PUS7L: variants seen among roughly 807,000 people sequenced by gnomAD.
PUS7L encodes the protein pseudouridine synthase 7 like.
A neutral mutation model predicts 51.1 loss-of-function variants in PUS7L; 49 were observed. That is an observed-to-expected ratio of 0.96 (90% CI 0.76 to 1.22). The LOEUF is 1.22. Ranked by LOEUF, PUS7L falls within the 50% of genes most tolerant of loss-of-function variation. The pLI, the probability that PUS7L is intolerant of heterozygous loss-of-function variation, is 0.00. For synonymous variants in PUS7L, 277 were observed against 276.2 expected (o/e 1.00, Z -0.03); for missense variants, 828 against 820.6 (o/e 1.01, Z -0.11).
chr12:43,755,701 T>C (rs779202511), intron 1 of PUS7L, among the ~76,000 whole-genome samples: 1 of 152,176 alleles, frequency 6.6e-6, no homozygotes, highest in Non-Finnish European at 1.5e-5. Flanking sequence ...ATATTATTAG[T>C]GGTTAGTGAC....
At chr12:43,737,127 C>T (rs975096480) in intron 6 of PUS7L, among the ~76,000 whole-genome samples, 2 of 152,190 alleles carry the variant, frequency 1.3e-5, no homozygotes, top group East Asian at 1.9e-4. Flanking sequence ...CACTATTATG[C>T]CTCACAAATG....
chr12:43,758,655 C>G, intron 1 of PUS7L, 75 bp downstream of exon 1: 2 of 260,480 alleles, frequency 7.7e-6, no homozygotes, highest in Non-Finnish European at 9.0e-6. Context: ...AACCTCGTCA[C>G]CCCCCCCCCC....
intron 2 of PUS7L, among the ~76,000 whole-genome samples, chr12:43,749,914 A>G (rs1170287911): frequency 6.6e-6 from 1 of 152,204 alleles, no homozygotes; most frequent in Non-Finnish European, 1.5e-5. Flanking sequence ...GAGGAAGGGC[A>G]TAAGGCTGAA....
At chr12:43,732,133 C>T (rs1443390708) in intron 7 of PUS7L, among the ~76,000 whole-genome samples, 2 of 151,626 alleles carry the variant, frequency 1.3e-5, no homozygotes, top group Admixed American at 6.6e-5. Context: ...AATCTCTGTC[C>T]CCCGAAAATA....
chr12:43,726,836 A>C lies in PUS7L; in HGVS notation c.*3540T>G, dbSNP rs1383463145. 5 of 152,166 alleles carry C rather than the reference A, an allele frequency of 3.3e-5. No individual in the cohort carries two copies. The highest frequency in any genetic ancestry group is 3.3e-4 in the Admixed American group (5 of 15,254). The allele number at this position is 152,166 out of a possible 1,614,324, so 9.4% of individuals were successfully genotyped here. ...GAAGGAAACTCCATCTAAAAAAAAA[A>C]AAAAATTGACAAGTGGGACCTAATT... On this transcript the variant is annotated 3_prime_UTR_variant, in exon 9 of 9. Coordinates refer to ENST00000344862, the MANE Select transcript of PUS7L (RefSeq NM_031292.5).
chr12:43,737,287 T>C (rs567990092), intron 6 of PUS7L, among the ~76,000 whole-genome samples: 2 of 152,324 alleles, frequency 1.3e-5, no homozygotes, highest in Middle Eastern at 3.4e-3. Flanking sequence ...ATCTCGGGAC[T>C]CTATAACAGA....
In PUS7L at chr12:43,746,100, T is replaced by C. The variant is rs867650355; in HGVS notation, c.1209A>G (p.Ile403Met). The C allele has an allele frequency of 3.3e-6, 5 of 1,536,612 alleles. No homozygotes were observed. The African/African-American group carries it at 4.1e-5, about 13-fold the overall frequency. Residue 403 changes from isoleucine to methionine, a missense_variant, in exon 4 of 9, where the codon ATA (isoleucine) becomes ATG (methionine). By Grantham distance (10) the Ile-to-Met change is conservative (BLOSUM62 1). Coordinates refer to ENST00000344862, the MANE Select transcript of PUS7L (RefSeq NM_031292.5). ...DIVIRNLKKQ[I>M]NDSANLRERI... Reference sequence around the variant, plus strand: ...TCTCCCTCAGGTTTGCAGAATCATTTATTTGTTTTTTTAAATTTCTAATGA... The same window carrying C: ...TCTCCCTCAGGTTTGCAGAATCATTCATTTGTTTTTTTAAATTTCTAATGA...
At chr12:43,741,254 G>C (rs1467647286) in intron 5 of PUS7L, among the ~76,000 whole-genome samples, 1 of 152,000 alleles carries the variant, frequency 6.6e-6, no homozygotes, top group Non-Finnish European at 1.5e-5. Flanking sequence ...TTAAGAAAAA[G>C]TCTTTCTTAT....
chr12:43,758,091 G>C (rs1282913168), intron 1 of PUS7L, among the ~76,000 whole-genome samples: 2 of 152,226 alleles, frequency 1.3e-5, no homozygotes, highest in African/African-American at 4.8e-5. Flanking sequence ...GTATCCGATG[G>C]AGTAACAGTT....
In PUS7L at chr12:43,729,881, G is replaced by A. The variant is rs1209630389; in HGVS notation, c.*495C>T. The A allele has an allele frequency of 6.5e-6, 1 of 154,644 alleles. No individual in the cohort carries two copies. The allele number at this position is 154,644 out of a possible 1,614,324, so 9.6% of individuals were successfully genotyped here. A position where few individuals can be genotyped will look rare whatever the true frequency, so the allele number is the denominator to read the frequency against. ...GGGTATCTATCACAAACAGAGGTAT[G>A]GCATTTCCCTTGTATATTGTTCTGA... On this transcript the variant is annotated 3_prime_UTR_variant, in exon 9 of 9. Coordinates refer to ENST00000344862, the MANE Select transcript of PUS7L (RefSeq NM_031292.5).
intron 7 of PUS7L, among the ~76,000 whole-genome samples, chr12:43,734,879 A>C (rs1312617087): frequency 6.6e-6 from 1 of 152,228 alleles, no homozygotes; most frequent in Non-Finnish European, 1.5e-5. Flanking sequence ...TCAAATTTTC[A>C]CTAATTTTTA....
Position 43,729,200 on chromosome 12 carries a change from TG to T in PUS7L, c.*1175del, listed in dbSNP as rs1308653169. 1.5e-5 allele frequency: 6 copies of T among 397,972 alleles called. No homozygotes were observed. Among genetic ancestry groups the T allele is most frequent in the African/African-American group, 1.0e-4 (5 of 48,740 alleles). The allele number at this position is 397,972 out of a possible 1,614,324, so 24.7% of individuals were successfully genotyped here. A position where few individuals can be genotyped will look rare whatever the true frequency, so the allele number is the denominator to read the frequency against. On this transcript the variant is annotated 3_prime_UTR_variant, in exon 9 of 9. Coordinates refer to ENST00000344862, the MANE Select transcript of PUS7L (RefSeq NM_031292.5). ...GACTTTGAAAACTGTTTTTAGTGTCTGTATATGAAAATATTGCAATAAGCAA... is the reference window on the plus strand; with the variant it reads ...GACTTTGAAAACTGTTTTTAGTGTCTTATATGAAAATATTGCAATAAGCAA...
intron 4 of PUS7L, among the ~76,000 whole-genome samples, chr12:43,743,727 C>T (rs1364061963): frequency 6.6e-6 from 1 of 151,706 alleles, no homozygotes; most frequent in Non-Finnish European, 1.5e-5. Flanking sequence ...CGTGCCACTG[C>T]ACTCCAGCCT....
At chr12:43,742,705 G>T (rs1937962234) in intron 4 of PUS7L, 150 bp from the exon 5 acceptor site, 4 of 1,209,024 alleles carry the variant, frequency 3.3e-6, no homozygotes, top group Non-Finnish European at 4.2e-6. Flanking sequence ...TCTGAAAAAT[G>T]CTGTAAATTA....
chr12:43,744,541 C>A (rs1938073033), intron 4 of PUS7L, among the ~76,000 whole-genome samples: 1 of 152,210 alleles, frequency 6.6e-6, no homozygotes, highest in African/African-American at 2.4e-5. Context: ...AATTAAAGCA[C>A]TTTTCTTCAT....
At chr12:43,741,824 T>G (rs1937910741) in intron 5 of PUS7L, among the ~76,000 whole-genome samples, 1 of 152,308 alleles carries the variant, frequency 6.6e-6, no homozygotes, top group East Asian at 1.9e-4. Context: ...GAAATCATAT[T>G]AGAACACAGG....
chr12:43,758,147 G>C (rs1938924723), intron 1 of PUS7L: 2 of 215,930 alleles, frequency 9.3e-6, no homozygotes, highest in Non-Finnish European at 1.6e-5. Context: ...CATAGCTGTA[G>C]GGATTGGCCC....
intron 7 of PUS7L, among the ~76,000 whole-genome samples, chr12:43,736,133 G>A (rs1481160936): frequency 6.6e-6 from 1 of 152,034 alleles, no homozygotes; most frequent in Non-Finnish European, 1.5e-5. Context: ...TTTAAAATGG[G>A]TTTTTTAAAG....
At position 43,755,233 on chromosome 12, in the gene PUS7L, T is replaced by C; in HGVS notation, c.13A>G (p.Thr5Ala). Residue 5 changes from threonine (T) to alanine (A), a missense_variant, in exon 2 of 9, where the codon ACA becomes GCA. By Grantham distance (58) the Thr-to-Ala change is moderately conservative (BLOSUM62 0). Coordinates refer to ENST00000344862, the MANE Select transcript of PUS7L (RefSeq NM_031292.5). MEED[T>A]DYRIRFSSLC... is the part of the protein sequence containing the mutation. ...GAACTAAACCTGATTCTATAATCTGTATCTTCTTCCATTCTTCTATAACAG... is the reference window on the plus strand; with the variant it reads ...GAACTAAACCTGATTCTATAATCTGCATCTTCTTCCATTCTTCTATAACAG... The C allele has an allele frequency of 1.9e-6, 3 of 1,591,902 alleles. No individual in the cohort carries two copies. Among genetic ancestry groups the C allele is most frequent in the Admixed American group, 1.8e-5 (1 of 55,790 alleles).
Sources: gnomAD v4.1 joint callset for allele counts (sites outside exome capture counted in the v4.1 genomes callset) on GRCh38, gnomAD v4.1.1 for gene constraint, MANE v1.5 for transcripts, NCBI Gene and HGNC (gene_info 2026-07-23, HGNC 2026-07-21) for gene names.